Variants in C3orf20 observed in about 807,000 individuals in gnomAD.
C3orf20 encodes uncharacterized protein C3orf20.
Under a neutral mutation model 88.3 loss-of-function variants are expected in C3orf20, and 76 were observed. That is an observed-to-expected ratio of 0.86 (90% CI 0.72 to 1.04). The LOEUF is 1.04. Among genes scored for constraint, C3orf20 ranks in the 50% least tolerant of loss-of-function variants. The pLI is 0.00. For missense variants in C3orf20, 1,056 were observed against 1,123.3 expected (o/e 0.94, Z 0.86); for synonymous variants, 436 against 437.4 (o/e 1.00, Z 0.04).
chr3:14,677,597 T>C (rs1218294823), intron 1 of C3orf20, among the ~76,000 whole-genome samples: 1 of 152,088 alleles, frequency 6.6e-6, no homozygotes, highest in East Asian at 1.9e-4. Context: ...GCCTCCCGGG[T>C]TCAGGCGATT....
At chr3:14,729,649 C>T (rs771636056) in intron 12 of C3orf20, among the ~76,000 whole-genome samples, 73 of 152,170 alleles carry the variant, frequency 4.8e-4, no homozygotes, top group Non-Finnish European at 7.6e-4. Context: ...CAGGTTCAAG[C>T]GATTCTCCTG....
At position 14,721,753 on chromosome 3, in the gene C3orf20, A is replaced by G. The variant is rs375409497; in HGVS notation, c.1535A>G (p.Asn512Ser). Residue 512 changes from asparagine (N) to serine (S), a missense_variant, in exon 10 of 17, where the codon AAT becomes AGT. Asn to Ser is a conservative substitution (Grantham distance 46, BLOSUM62 1). Coordinates refer to ENST00000253697, the MANE Select transcript of C3orf20 (RefSeq NM_032137.5). Reference protein sequence around the residue: ...ETVTLTVSANNCPHGMAYDKR... With the variant: ...ETVTLTVSANSCPHGMAYDKR... ...GTAACACTCACTGTGTCGGCCAACA[A>G]TTGTCCCCATGGAATGGCATATGAC... 127 of 1,614,160 alleles carry G rather than the reference A, an allele frequency of 7.9e-5. 1 individual carries two copies. The highest frequency in any genetic ancestry group is 3.6e-4 in the East Asian group (16 of 44,868).
Position 14,772,807 on chromosome 3 carries a change from G to A in C3orf20, c.2647G>A (p.Val883Met). Reference protein sequence around the residue: ...LEAEKTREPEVELHPLSRDSK... With the variant: ...LEAEKTREPEMELHPLSRDSK... ...GATCTTTAGGACAAGAGAGCCTGAA[G>A]TGGAGCTACATCCTCTCAGCAGGGA... Residue 883 changes from valine to methionine, a missense_variant, in exon 17 of 17, where the codon GTG (valine) becomes ATG (methionine). Val to Met is a conservative substitution (Grantham distance 21). Transcript: ENST00000253697. The surrounding 1 kb of genome is among the most constrained non-coding windows in gnomAD (Gnocchi z 4.2). The A allele has an allele frequency of 3.7e-6, 6 of 1,613,982 alleles. No homozygotes were observed. The highest frequency in any genetic ancestry group is 5.1e-6 in the Non-Finnish European group (6 of 1,179,874).
intron 15 of C3orf20, among the ~76,000 whole-genome samples, chr3:14,764,504 A>ATTGTTGTTGTTG (rs1180584711): frequency 6.7e-6 from 1 of 148,960 alleles, no homozygotes; most frequent in African/African-American, 2.6e-5. Flanking sequence ...TATTATTATT[A>ATTGTTGTTGTTG]TTATTGTTGT....
intron 4 of C3orf20, among the ~76,000 whole-genome samples, chr3:14,686,580 G>A (rs1279665615): frequency 1.3e-5 from 2 of 152,104 alleles, no homozygotes; most frequent in Non-Finnish European, 2.9e-5. Context: ...TTTTTCTGAT[G>A]ATTACTGACA....
In C3orf20 at chr3:14,757,352, A is replaced by T. The variant is rs1182336464; in HGVS notation, c.1941-19A>T. On this transcript the variant is annotated intron_variant, in intron 12 of 16. Coordinates refer to ENST00000253697, the MANE Select transcript of C3orf20 (RefSeq NM_032137.5). ...CACCACCTTCTGAGGGTCCCTGTGCACTGTGCTCCTCCTTGCAGAGGGAAG... is the reference window on the plus strand; with the variant it reads ...CACCACCTTCTGAGGGTCCCTGTGCTCTGTGCTCCTCCTTGCAGAGGGAAG... 1 of 1,603,642 alleles carries T rather than the reference A, an allele frequency of 6.2e-7. No homozygotes were observed. The highest frequency in any genetic ancestry group is 1.3e-5 in the African/African-American group (1 of 74,714).
At chr3:14,757,762 G>T (rs1166315647) in intron 13 of C3orf20, 88 bp downstream of exon 13, 4 of 1,293,752 alleles carry the variant, frequency 3.1e-6, no homozygotes, top group Non-Finnish European at 4.2e-6. Context: ...GCTAGGACTG[G>T]CTGAGCACCT....
intron 12 of C3orf20, among the ~76,000 whole-genome samples, chr3:14,732,375 A>G (rs1170777831): frequency 2.0e-5 from 3 of 152,228 alleles, no homozygotes; most frequent in Admixed American, 6.5e-5. Flanking sequence ...TATTCTGGGT[A>G]TAAGTCTTTT....
At chr3:14,705,386 A>C (rs751575827) in intron 7 of C3orf20, among the ~76,000 whole-genome samples, 1 of 152,270 alleles carries the variant, frequency 6.6e-6, no homozygotes, top group Non-Finnish European at 1.5e-5. Flanking sequence ...AGGGCTGTGC[A>C]TACCTCAGAG....
At chr3:14,744,818 G>C (rs1376315290) in intron 12 of C3orf20, among the ~76,000 whole-genome samples, 3 of 152,104 alleles carry the variant, frequency 2.0e-5, no homozygotes. Context: ...ACCAGCCCAC[G>C]TGATTCAATT....
At chr3:14,715,595 C>G (rs1267347625) in intron 9 of C3orf20, among the ~76,000 whole-genome samples, 186 bp downstream of exon 9, 1 of 152,244 alleles carries the variant, frequency 6.6e-6, no homozygotes, top group Non-Finnish European at 1.5e-5. Context: ...TCCAGGTTGG[C>G]TGAAGGGAAC....
At chr3:14,763,638 G>A (rs532420827) in intron 15 of C3orf20, among the ~76,000 whole-genome samples, 3 of 152,334 alleles carry the variant, frequency 2.0e-5, no homozygotes, top group Admixed American at 1.3e-4. Flanking sequence ...TCAAAAGGAA[G>A]ATGCTCTTTA....
At chr3:14,721,963 A>AT (rs2034180258) in intron 10 of C3orf20, 179 bp downstream of exon 10, 1 of 694,156 alleles carries the variant, frequency 1.4e-6, no homozygotes, top group Non-Finnish European at 2.4e-6. Context: ...GAAACTTCTT[A>AT]TATCAATTAA....
intron 10 of C3orf20, among the ~76,000 whole-genome samples, chr3:14,723,827 ATTTTATTTTATTTTATT>A (rs1431267786): frequency 4.0e-5 from 3 of 74,902 alleles, no homozygotes; most frequent in African/African-American, 1.4e-4. Flanking sequence ...ATTTTATTTT[ATTTTATTTTATTTTATT>A]GAGACCAAGC....
At chr3:14,697,709 A>ACCCCCCCCCC (rs143422990) in intron 5 of C3orf20, among the ~76,000 whole-genome samples, 1 of 101,054 alleles carries the variant, frequency 9.9e-6, no homozygotes. Flanking sequence ...CCAGCCCCCA[A>ACCCCCCCCCC]CCCCCCTGCT....
At chr3:14,697,268 C>T (rs940036532) in intron 5 of C3orf20, among the ~76,000 whole-genome samples, 3 of 151,996 alleles carry the variant, frequency 2.0e-5, no homozygotes, top group Non-Finnish European at 2.9e-5. Context: ...AACTTTCTAC[C>T]CCTATCTCTT....
intron 9 of C3orf20, among the ~76,000 whole-genome samples, chr3:14,716,603 A>G (rs978517629): frequency 9.9e-5 from 15 of 152,016 alleles, no homozygotes; most frequent in African/African-American, 3.1e-4. Context: ...TTGGCCTGAA[A>G]TGCACCCCCT....
chr3:14,678,177 T>C (rs1407323580), intron 1 of C3orf20, among the ~76,000 whole-genome samples: 1 of 152,162 alleles, frequency 6.6e-6, no homozygotes, highest in Non-Finnish European at 1.5e-5. Context: ...AATAATGACC[T>C]TTTTTCTACC....
At chr3:14,734,395 A>C (rs188787876) in intron 12 of C3orf20, among the ~76,000 whole-genome samples, 2 of 152,286 alleles carry the variant, frequency 1.3e-5, no homozygotes, top group Admixed American at 1.3e-4. Flanking sequence ...TTGATATGCC[A>C]TATGGTAATT....
Sources: gnomAD v4.1 joint callset for allele counts (sites outside exome capture counted in the v4.1 genomes callset) on GRCh38, gnomAD v4.1.1 for gene constraint, Gnocchi (gnomAD v3.1) non-coding constraint, MANE v1.5 for transcripts, NCBI Gene and HGNC (gene_info 2026-07-23, HGNC 2026-07-21) for gene names.